DNAH6: variants seen among roughly 807,000 people sequenced by gnomAD.
The protein encoded by DNAH6 is dynein axonemal heavy chain 6.
DNAH6 carries 340 observed loss-of-function variants against 491.4 expected under a neutral mutation model. The ratio of observed to expected loss-of-function variants is 0.69; its 90% confidence interval spans 0.63 to 0.76. The LOEUF (loss-of-function observed/expected upper bound fraction) is 0.76, where lower values mean the gene tolerates loss of function less well. Among genes scored for constraint, DNAH6 ranks in the 30% least tolerant of loss-of-function variants. The pLI is 0.00. For missense variants in DNAH6, 4,443 were observed against 4,972.2 expected, an observed-to-expected ratio of 0.89 and a Z score of 3.20; for synonymous variants, 1,603 against 1,686.1, an observed-to-expected ratio of 0.95 and a Z score of 1.21.
chr2:84,704,745 G>A (rs1696267427), intron 51 of DNAH6, among the ~76,000 whole-genome samples: 1 of 152,194 alleles, frequency 6.6e-6, no homozygotes, highest in Admixed American at 6.5e-5. Flanking sequence ...ATCACGAAAG[G>A]TCTTAAAAGC....
At chr2:84,488,653 C>T in the DNAH6 span, among the ~76,000 whole-genome samples, 1 of 152,106 alleles carries the variant, frequency 6.6e-6, no homozygotes, top group Admixed American at 6.6e-5. Flanking sequence ...TATGTAGACC[C>T]TTATGATTAC....
intron 15 of DNAH6, among the ~76,000 whole-genome samples, chr2:84,588,373 AG>A (rs1683769893): frequency 6.6e-6 from 1 of 152,304 alleles, no homozygotes; most frequent in South Asian, 2.1e-4. Flanking sequence ...CAACCCTAAC[AG>A]GTCAGCCATA....
intron 33 of DNAH6, among the ~76,000 whole-genome samples, chr2:84,648,328 G>A (rs796666332): frequency 4.7e-4 from 72 of 152,312 alleles, no homozygotes; most frequent in African/African-American, 1.7e-3. Context: ...TGTAGCCCAT[G>A]GATCAAGGAG....
In DNAH6 at chr2:84,584,024, A is replaced by G; in HGVS notation, c.2255A>G (p.Asn752Ser). Residue 752 changes from asparagine (N) to serine (S), a missense_variant, in exon 15 of 77, where the codon AAT becomes AGT. Coordinates refer to ENST00000389394, the MANE Select transcript of DNAH6 (RefSeq NM_001370.2). Reference sequence around the variant, plus strand: ...ATTGAAAGCCTTGAAGATGAGGGGAATATAGTGACTCAAATGTACAAGCTT... The same window carrying G: ...ATTGAAAGCCTTGAAGATGAGGGGAGTATAGTGACTCAAATGTACAAGCTT... The part of the protein sequence containing the change: ...ERIESLEDEG[N>S]IVTQMYKLME... 2 of 1,614,154 alleles carry G rather than the reference A, an allele frequency of 1.2e-6. No individual in the cohort carries two copies. The highest frequency in any genetic ancestry group is 1.7e-6 in the Non-Finnish European group (2 of 1,179,996).
chr2:84,796,434 CTT>C lies in DNAH6; in HGVS notation c.11359+12_11359+13del. Reference sequence around the variant, plus strand: ...TAAATACTCTGAATCAGGTGAATGACTTTTCAATATTACAGAAAAGGCCTTTC... The same window carrying C: ...TAAATACTCTGAATCAGGTGAATGACTTCAATATTACAGAAAAGGCCTTTC... On this transcript the variant is annotated intron_variant, in intron 69 of 76. Transcript: ENST00000389394. 1 of 1,494,962 alleles carries C rather than the reference CTT, an allele frequency of 6.7e-7. No individual in the cohort carries two copies. 92.6% of individuals were successfully genotyped at this position (1,494,962 alleles called of 1,614,324 possible).
At chr2:84,773,733 A>G (rs550739468) in intron 64 of DNAH6, among the ~76,000 whole-genome samples, 2 of 152,256 alleles carry the variant, frequency 1.3e-5, no homozygotes, top group African/African-American at 4.8e-5. Flanking sequence ...TTTTCAATGC[A>G]GCCTCACCAG....
intron 2 of DNAH6, among the ~76,000 whole-genome samples, chr2:84,521,526 C>A (rs1323371988): frequency 6.6e-6 from 1 of 151,950 alleles, no homozygotes; most frequent in Non-Finnish European, 1.5e-5. Flanking sequence ...CTTTTGGTAT[C>A]TTTGTCATGA....
intron 61 of DNAH6, among the ~76,000 whole-genome samples, chr2:84,728,327 C>T (rs1698831293): frequency 6.6e-6 from 1 of 152,160 alleles, no homozygotes; most frequent in African/African-American, 2.4e-5. Flanking sequence ...TAGATAGAGC[C>T]CACAAGCACC....
intron 20 of DNAH6, among the ~76,000 whole-genome samples, chr2:84,605,926 A>T (rs1308917136): frequency 6.6e-6 from 1 of 152,156 alleles, no homozygotes; most frequent in Non-Finnish European, 1.5e-5. Flanking sequence ...TAAATATTAG[A>T]TGGGATTTGA....
chr2:84,492,600 C>T, the DNAH6 span, among the ~76,000 whole-genome samples: 5 of 152,128 alleles, frequency 3.3e-5, no homozygotes, highest in African/African-American at 1.2e-4. Context: ...GAGTTTCCAA[C>T]TTTAAAGAAA....
At chr2:84,735,851 T>C (rs1239594387) in intron 62 of DNAH6, among the ~76,000 whole-genome samples, 1 of 152,244 alleles carries the variant, frequency 6.6e-6, no homozygotes, top group African/African-American at 2.4e-5. Context: ...TATTTTATTT[T>C]GCTATGCAGA....
chr2:84,581,770 A>C (rs1286852390), intron 14 of DNAH6, among the ~76,000 whole-genome samples: 1 of 152,246 alleles, frequency 6.6e-6, no homozygotes, highest in South Asian at 2.1e-4. Flanking sequence ...AGGAGAGAAT[A>C]AATTAATTAT....
chr2:84,658,271 T>G, intron 35 of DNAH6, 21 bp from the exon 36 acceptor site: 1 of 1,477,664 alleles, frequency 6.8e-7, no homozygotes, highest in African/African-American at 1.4e-5. Flanking sequence ...CTTGCTAAAC[T>G]ATCATTTGTT....
intron 41 of DNAH6, 96 bp from the exon 42 acceptor site, chr2:84,681,257 GCTTT>G (rs1167075771): frequency 1.2e-5 from 13 of 1,077,210 alleles, no homozygotes; most frequent in Non-Finnish European, 1.7e-5. Context: ...TTGGAATTTG[GCTTT>G]CTATTATTAG....
chr2:84,794,475 T>G (rs1369225136), intron 68 of DNAH6, among the ~76,000 whole-genome samples: 3 of 149,530 alleles, frequency 2.0e-5, no homozygotes, highest in Admixed American at 2.0e-4. Context: ...TCAAACAAAT[T>G]TACAAGAAAA....
rs1680232828 is a variant in DNAH6 at position 84,557,947 on chromosome 2, C to T, written c.1803+12C>T. On this transcript the variant is annotated intron_variant, in intron 11 of 76. Coordinates refer to ENST00000389394, the MANE Select transcript of DNAH6 (RefSeq NM_001370.2). ...TTTCTCAAATAAAGGTATGTTTACT[C>T]TGACTAAAACTATTCTATAATATTC... The T allele has an allele frequency of 6.6e-7, 1 of 1,513,610 alleles. No individual in the cohort carries two copies. Among genetic ancestry groups the T allele is most frequent in the Middle Eastern group, 1.7e-4 (1 of 5,810 alleles). The allele number at this position is 1,513,610 out of a possible 1,614,324, so 93.8% of individuals were successfully genotyped here.
At chr2:84,719,998 G>A (rs1697944765) in intron 59 of DNAH6, among the ~76,000 whole-genome samples, 1 of 152,008 alleles carries the variant, frequency 6.6e-6, no homozygotes, top group African/African-American at 2.4e-5. Flanking sequence ...ATTGCCTAAG[G>A]GTGAAGATCT....
the DNAH6 span, among the ~76,000 whole-genome samples, chr2:84,506,139 C>T: frequency 2.6e-5 from 4 of 152,240 alleles, no homozygotes; most frequent in Admixed American, 2.6e-4. Context: ...ACCACACTGT[C>T]TTCCACAATG....
chr2:84,516,140 G>A (rs1476152024), upstream of DNAH6, among the ~76,000 whole-genome samples: 1 of 152,208 alleles, frequency 6.6e-6, no homozygotes, highest in Non-Finnish European at 1.5e-5. Context: ...TAAAGTGAAC[G>A]TCAAGTCAGT....
Sources: allele counts gnomAD v4.1 joint callset (sites outside exome capture counted in the v4.1 genomes callset), GRCh38; gene constraint gnomAD v4.1.1; transcripts MANE v1.5; gene names NCBI Gene and HGNC (gene_info 2026-07-23, HGNC 2026-07-21).